CEP63: variants seen among roughly 807,000 people sequenced by gnomAD.
CEP63 encodes centrosomal protein of 63 kDa.
In CEP63, 84 loss-of-function variants were observed where a neutral mutation model predicts 89.1. That is an observed-to-expected ratio of 0.94 (90% confidence interval 0.79 to 1.13). The LOEUF (loss-of-function observed/expected upper bound fraction) is 1.13. Ranked by LOEUF, CEP63 falls within the 50% of genes most tolerant of loss-of-function variation. The pLI, the probability that CEP63 is intolerant of heterozygous loss-of-function variation, is 0.00. For synonymous variants in CEP63, 267 were observed against 272.5 expected, an observed-to-expected ratio of 0.98 and a Z score of 0.20; for missense variants, 838 against 813.3, an observed-to-expected ratio of 1.03 and a Z score of -0.37.
the CEP63 span, among the ~76,000 whole-genome samples, chr3:134,748,426 G>GT: frequency 6.4e-3 from 927 of 144,180 alleles, 6 homozygotes; most frequent in African/African-American, 0.02. Flanking sequence ...TTGGAGTTTT[G>GT]TTTTTTTTTT....
In CEP63 at chr3:134,561,949, G is replaced by A. The variant is rs77920977; in HGVS notation, c.*414G>A. The A allele has an allele frequency of 6.0e-4, 620 of 1,025,014 alleles. 1 individual carries two copies. Among genetic ancestry groups the A allele is most frequent in the Middle Eastern group, 1.5e-3 (3 of 2,006 alleles). 63.5% of individuals were successfully genotyped at this position (1,025,014 alleles called of 1,614,324 possible). On this transcript the variant is annotated 3_prime_UTR_variant, in exon 15 of 15. Coordinates refer to ENST00000675561, the MANE Select transcript of CEP63 (RefSeq NM_001353108.3). ...TGGATTTAGGGGTCAAACATACCTG[G>A]ATCGATAGACTGGTTTTGCCACTTA...
the CEP63 span, among the ~76,000 whole-genome samples, chr3:134,715,515 GTT>G: frequency 6.8e-4 from 99 of 146,360 alleles, no homozygotes; most frequent in Admixed American, 1.5e-3. Context: ...GCCAGGAAAG[GTT>G]TTTTTTTTTT....
At chr3:134,493,837 C>T (rs1284578161) in intron 1 of CEP63, among the ~76,000 whole-genome samples, 1 of 152,128 alleles carries the variant, frequency 6.6e-6, no homozygotes, top group Non-Finnish European at 1.5e-5. Context: ...GTAAAATAAT[C>T]TACTTCTTAC....
At chr3:134,536,572 T>C (rs1346817592) in intron 5 of CEP63, 2 of 158,274 alleles carry the variant, frequency 1.3e-5, no homozygotes, top group Admixed American at 1.2e-4. Flanking sequence ...TAAAATTTGG[T>C]ACAGATTTTC....
rs184263261 is a variant in CEP63 at position 134,505,023 on chromosome 3, C to T, written c.45-2086C>T. On this transcript the variant is annotated intron_variant, in intron 2 of 14. Transcript: ENST00000675561. ...TCTTTCAGAACATAAATTGTTTTCC[C>T]GATTTATTTTTATTATCTGTGTTTT... 1.3e-3 allele frequency among the ~76,000 whole-genome samples: 199 copies of T among 152,098 alleles called. 1 individual carries two copies. The highest frequency in any genetic ancestry group is 4.5e-3 in the African/African-American group (187 of 41,490).
chr3:134,745,381 T>C, the CEP63 span, among the ~76,000 whole-genome samples: 9 of 152,236 alleles, frequency 5.9e-5, no homozygotes, highest in Non-Finnish European at 1.5e-5. Flanking sequence ...TGAAATTTCA[T>C]TAGTAAATGA....
At chr3:134,573,276 TTG>T (rs1417395176) in intron 11 of CEP63, among the ~76,000 whole-genome samples, 1 of 152,192 alleles carries the variant, frequency 6.6e-6, no homozygotes, top group Non-Finnish European at 1.5e-5. Context: ...TTGTCAATTT[TTG>T]TTTTTGTTGC....
the CEP63 span, among the ~76,000 whole-genome samples, chr3:134,662,074 C>T: frequency 2.6e-5 from 4 of 152,264 alleles, no homozygotes; most frequent in South Asian, 2.1e-4. Flanking sequence ...GTCAGGAGTT[C>T]GAGACCAGCT....
At chr3:134,746,846 A>G in the CEP63 span, among the ~76,000 whole-genome samples, 2 of 152,142 alleles carry the variant, frequency 1.3e-5, no homozygotes, top group African/African-American at 4.8e-5. Flanking sequence ...AGATGGGTAG[A>G]TTGCAAAAAT....
chr3:134,533,411 G>A (rs1309550310), intron 5 of CEP63, among the ~76,000 whole-genome samples: 1 of 152,134 alleles, frequency 6.6e-6, no homozygotes, highest in East Asian at 1.9e-4. Context: ...AAAGTACATG[G>A]CACTTTTCGT....
the CEP63 span, among the ~76,000 whole-genome samples, chr3:134,755,239 TGAGC>T: frequency 1.3e-5 from 2 of 151,566 alleles, no homozygotes; most frequent in African/African-American, 4.9e-5. Context: ...CCCTGAGCCC[TGAGC>T]CCTGAGCCCT....
chr3:134,777,607 AATTTTT>A, the CEP63 span, among the ~76,000 whole-genome samples: 1 of 111,402 alleles, frequency 9.0e-6, no homozygotes, highest in Non-Finnish European at 1.7e-5. Context: ...GAAAGAATAG[AATTTTT>A]TTTTTTTTTT....
the CEP63 span, among the ~76,000 whole-genome samples, chr3:134,642,593 T>G: frequency 6.6e-6 from 1 of 152,090 alleles, no homozygotes; most frequent in Non-Finnish European, 1.5e-5. Flanking sequence ...CCCCAAAAAG[T>G]GAGGACTCCC....
chr3:134,602,415 G>A, the CEP63 span, among the ~76,000 whole-genome samples: 1 of 152,170 alleles, frequency 6.6e-6, no homozygotes, highest in Non-Finnish European at 1.5e-5. Context: ...GGAGGGGGCT[G>A]TCTTCTCAGA....
chr3:134,656,046 C>T, the CEP63 span, among the ~76,000 whole-genome samples: 5 of 152,198 alleles, frequency 3.3e-5, no homozygotes, highest in Admixed American at 2.0e-4. Context: ...AGAGAGCTTT[C>T]CACCTCTGCT....
At chr3:134,528,578 G>GTGTGTC (rs1008325024) in intron 3 of CEP63, among the ~76,000 whole-genome samples, 3 of 151,708 alleles carry the variant, frequency 2.0e-5, no homozygotes, top group African/African-American at 7.3e-5. Context: ...GCGTGTGTGT[G>GTGTGTC]TGTGTGTGTG....
At chr3:134,585,711 C>T (rs1158569771) in intron 10 of CEP63, among the ~76,000 whole-genome samples, 1 of 151,778 alleles carries the variant, frequency 6.6e-6, no homozygotes, top group East Asian at 1.9e-4. Context: ...ATTAGGTCTG[C>T]TTGGTGCAGA....
the CEP63 span, chr3:134,620,697 A>G: frequency 5.1e-5 from 66 of 1,293,720 alleles, no homozygotes; most frequent in Admixed American, 1.3e-4. Flanking sequence ...AGAGGCCTGC[A>G]GGGAATGGAA....
the CEP63 span, among the ~76,000 whole-genome samples, chr3:134,692,839 C>T: frequency 1.3e-5 from 2 of 152,292 alleles, no homozygotes; most frequent in South Asian, 4.1e-4. Context: ...TGTTGGTCAC[C>T]GTTGGTCACC....
Sources: gnomAD v4.1 joint callset for allele counts (sites outside exome capture counted in the v4.1 genomes callset) on GRCh38, gnomAD v4.1.1 for gene constraint, MANE v1.5 for transcripts, NCBI Gene and HGNC (gene_info 2026-07-23, HGNC 2026-07-21) for gene names.